The following CCDC175 variants were observed in gnomAD, a reference collection of about 807,000 sequenced individuals.
The protein encoded by CCDC175 is coiled-coil domain-containing protein 175.
In CCDC175, 100 loss-of-function variants were observed where a neutral mutation model predicts 114.6. The ratio of observed to expected loss-of-function variants is 0.87; its 90% confidence interval spans 0.74 to 1.03. The LOEUF (loss-of-function observed/expected upper bound fraction) is 1.03. Ranked by LOEUF, CCDC175 falls within the 50% of genes least tolerant of loss-of-function variation. CCDC175 has a pLI of 0.00. For synonymous variants in CCDC175, 306 were observed against 308.7 expected, an observed-to-expected ratio of 0.99 and a Z score of 0.09; for missense variants, 880 against 917.8, an observed-to-expected ratio of 0.96 and a Z score of 0.53.
intron 17 of CCDC175, among the ~76,000 whole-genome samples, chr14:59,516,698 G>T (rs1893110590): frequency 6.6e-6 from 1 of 152,112 alleles, no homozygotes; most frequent in South Asian, 2.1e-4. Flanking sequence ...ACCAAAAAAA[G>T]TCCAGGACCA....
intron 7 of CCDC175, among the ~76,000 whole-genome samples, chr14:59,559,374 G>T (rs1291054567): frequency 1.3e-5 from 2 of 152,116 alleles, no homozygotes; most frequent in Non-Finnish European, 2.9e-5. Flanking sequence ...GATCTATGGA[G>T]CATTTGAGTT....
intron 19 of CCDC175, among the ~76,000 whole-genome samples, chr14:59,509,201 C>G (rs1892616048): frequency 6.6e-6 from 1 of 152,128 alleles, no homozygotes; most frequent in Non-Finnish European, 1.5e-5. Context: ...GAAGACAGTG[C>G]CCTTGACACT....
chr14:59,563,628 T>A, intron 6 of CCDC175, 109 bp downstream of exon 6: 1 of 641,492 alleles, frequency 1.6e-6, no homozygotes. Flanking sequence ...AATGTTAACG[T>A]GCAGAAAACA....
intron 17 of CCDC175, among the ~76,000 whole-genome samples, chr14:59,520,903 G>T (rs544388800): frequency 6.6e-6 from 1 of 152,324 alleles, no homozygotes; most frequent in Admixed American, 6.5e-5. Context: ...TATCTTGCTT[G>T]TGGTGATAGT....
Position 59,506,648 on chromosome 14 carries a change from ACTC to A in CCDC175, c.2306-1336_2306-1334del, listed in dbSNP as rs568749256. 2.2e-3 allele frequency among the ~76,000 whole-genome samples: 327 copies of A among 151,910 alleles called. 1 individual carries two copies. Among genetic ancestry groups the A allele is most frequent in the African/African-American group, 7.0e-3 (289 of 41,440 alleles). On this transcript the variant is annotated intron_variant, in intron 19 of 19. Coordinates refer to ENST00000537690, the MANE Select transcript of CCDC175 (RefSeq NM_001164399.2). ...TAATGTTTGAGAACCACTGATCTAA[ACTC>A]CTCCTATTTCAGATCTTAATTTTTC... is the stretch of plus-strand genomic sequence containing the variant.
intron 17 of CCDC175, 84 bp from the exon 18 acceptor site, chr14:59,511,887 T>C (rs375601240): frequency 1.7e-5 from 18 of 1,046,500 alleles, no homozygotes; most frequent in Non-Finnish European, 2.5e-5. Context: ...TTTTTGTTTT[T>C]TCAAAAATTA....
chr14:59,508,011 G>C (rs1343792764), intron 19 of CCDC175, among the ~76,000 whole-genome samples: 1 of 152,168 alleles, frequency 6.6e-6, no homozygotes, highest in Non-Finnish European at 1.5e-5. Context: ...CCCTGGCACT[G>C]GGTTCCTTGA....
Position 59,565,139 on chromosome 14 carries a change from CTA to C in CCDC175, c.626_627del (p.Ile209SerfsTer33). 6.5e-7 allele frequency: 1 copy of C among 1,537,580 alleles called. No homozygotes were observed. The highest frequency in any genetic ancestry group is 2.4e-5 in the East Asian group (1 of 40,920). The stretch of plus-strand genomic sequence containing the variant: ...TCTTGAATACATTTTTTTTGCAATG[CTA>C]TGTCTTCTCTCTTCAAGTTTATTTT... ...YTKINLKREDIALQKKCIQEA... is the reference protein window; with the variant it reads ...YTKINLKREDXALQKKCIQEA... On this transcript the variant is annotated frameshift_variant, in exon 5 of 20. Coordinates refer to ENST00000537690, the MANE Select transcript of CCDC175 (RefSeq NM_001164399.2). LOFTEE classifies it high-confidence loss of function.
intron 13 of CCDC175, among the ~76,000 whole-genome samples, chr14:59,534,255 C>T (rs1188164336): frequency 6.6e-6 from 1 of 152,126 alleles, no homozygotes; most frequent in Non-Finnish European, 1.5e-5. Context: ...CAGGTTCACA[C>T]GGTCTTCAGA....
intron 19 of CCDC175, among the ~76,000 whole-genome samples, chr14:59,509,461 A>G (rs1394481122): frequency 6.6e-6 from 1 of 152,232 alleles, no homozygotes; most frequent in African/African-American, 2.4e-5. Context: ...GCAATGCCCC[A>G]GAACACAGGT....
chr14:59,573,233 C>T (rs1183301558), intron 2 of CCDC175, among the ~76,000 whole-genome samples: 1 of 152,046 alleles, frequency 6.6e-6, no homozygotes, highest in African/African-American at 2.4e-5. Flanking sequence ...GTAGGTAAAG[C>T]TGTTATTATT....
At chr14:59,568,131 A>T in intron 4 of CCDC175, 114 bp downstream of exon 4, 1 of 1,054,178 alleles carries the variant, frequency 9.5e-7, no homozygotes, top group Non-Finnish European at 1.3e-6. Flanking sequence ...AGCCATCTTC[A>T]CCTCTCAACT....
intron 3 of CCDC175, among the ~76,000 whole-genome samples, chr14:59,569,570 C>T (rs1896734760): frequency 6.6e-6 from 1 of 152,110 alleles, no homozygotes; most frequent in East Asian, 1.9e-4. Flanking sequence ...AAAAGCAACC[C>T]AATCTAGAAA....
intron 7 of CCDC175, among the ~76,000 whole-genome samples, chr14:59,560,275 A>C (rs1279867351): frequency 6.6e-6 from 1 of 152,170 alleles, no homozygotes; most frequent in East Asian, 1.9e-4. Flanking sequence ...TGTTATAACA[A>C]GATTCTACAT....
At chr14:59,538,293 G>A in intron 12 of CCDC175, 139 bp from the exon 13 acceptor site, 1 of 700,008 alleles carries the variant, frequency 1.4e-6, no homozygotes, top group Non-Finnish European at 2.2e-6. Context: ...CAACCACTGA[G>A]AGGAATATTT....
chr14:59,556,151 A>G (rs1012544022), intron 7 of CCDC175, among the ~76,000 whole-genome samples: 8 of 152,190 alleles, frequency 5.3e-5, no homozygotes, highest in South Asian at 2.1e-4. Flanking sequence ...CCGCATCACC[A>G]AGTCAATCCT....
At chr14:59,534,873 C>A (rs1035282342) in intron 13 of CCDC175, among the ~76,000 whole-genome samples, 11 of 152,122 alleles carry the variant, frequency 7.2e-5, no homozygotes, top group African/African-American at 2.4e-4. Context: ...ATATTCAGGG[C>A]TGTTTTCCTT....
chr14:59,508,711 T>C (rs1226814332), intron 19 of CCDC175, among the ~76,000 whole-genome samples: 1 of 152,034 alleles, frequency 6.6e-6, no homozygotes, highest in Non-Finnish European at 1.5e-5. Context: ...GGTCTTGGGA[T>C]TCGTGCCCTT....
At chr14:59,548,999 G>C (rs1406962622) in intron 8 of CCDC175, among the ~76,000 whole-genome samples, 2 of 152,186 alleles carry the variant, frequency 1.3e-5, no homozygotes, top group East Asian at 3.9e-4. Flanking sequence ...AGAAAGAAAA[G>C]GTGGTGAACA....
Sources: allele counts gnomAD v4.1 joint callset (sites outside exome capture counted in the v4.1 genomes callset), GRCh38; gene constraint gnomAD v4.1.1; transcripts MANE v1.5; gene names NCBI Gene and HGNC (gene_info 2026-07-23, HGNC 2026-07-21).